Variants in WNT8A observed in about 807,000 individuals in gnomAD.
The protein encoded by WNT8A is protein Wnt-8a.
WNT8A carries 14 observed loss-of-function variants against 20.5 expected under a neutral mutation model. The observed-to-expected ratio is 0.68, with a 90% CI of 0.45 to 1.07. WNT8A has a LOEUF of 1.07. Ranked by LOEUF, WNT8A falls within the 50% of genes least tolerant of loss-of-function variation. The pLI is 0.00. For synonymous variants in WNT8A, 167 were observed against 169.2 expected (o/e 0.99, Z 0.10); for missense variants, 397 against 462.9 (o/e 0.86, Z 1.31).
downstream of WNT8A, chr5:138,092,134 T>C (rs767333076): frequency 5.9e-5 from 9 of 152,164 alleles, no homozygotes; most frequent in South Asian, 2.1e-4. Context: ...TTCTAAGATA[T>C]ATCCAGCTGG....
chr5:138,084,355 C>T (rs922254098), intron 1 of WNT8A, 72 bp downstream of exon 1: 50 of 1,579,750 alleles, frequency 3.2e-5, no homozygotes, highest in African/African-American at 3.1e-4. Context: ...AAAAGAGGGG[C>T]GGGGACAGTG....
chr5:138,091,648 A>C, downstream of WNT8A: 1 of 553,690 alleles, frequency 1.8e-6, no homozygotes, highest in South Asian at 2.0e-5. Context: ...CAACATAGAA[A>C]GACACCATCT....
Position 138,091,420 on chromosome 5 carries a change from T to A in WNT8A, c.*347T>A. The A allele has an allele frequency of 7.3e-7, 1 of 1,363,390 alleles. No homozygotes were observed. Among genetic ancestry groups the A allele is most frequent in the Middle Eastern group, 2.1e-4 (1 of 4,836 alleles). The allele number at this position is 1,363,390 out of a possible 1,614,324, so 84.5% of individuals were successfully genotyped here. On this transcript the variant is annotated 3_prime_UTR_variant, in exon 5 of 5. Transcript: ENST00000506684. The stretch of plus-strand genomic sequence containing the variant: ...TTCAAAGTATTTGTTCCTTTAAATT[T>A]CAGACCATGTCCAACCCAGCTGTGC...
At chr5:138,089,201 C>G (rs984567622) in intron 4 of WNT8A, 132 bp downstream of exon 4, 1 of 1,341,460 alleles carries the variant, frequency 7.5e-7, no homozygotes, top group African/African-American at 1.5e-5. Flanking sequence ...CCCGCATTCT[C>G]TGGATGACAA....
chr5:138,077,544 T>C, the WNT8A span, among the ~76,000 whole-genome samples: 1 of 152,188 alleles, frequency 6.6e-6, no homozygotes, highest in Non-Finnish European at 1.5e-5. Context: ...CTCTGAAAAC[T>C]AGTAAAATCC....
Position 138,090,954 on chromosome 5 carries a change from A to G in WNT8A, c.991A>G (p.Asn331Asp). Residue 331 changes from asparagine (N) to aspartate (D), a missense_variant, in exon 5 of 5, where the codon AAC (asparagine) becomes GAC (aspartate). Asn to Asp is a conservative substitution (Grantham distance 23). Transcript: ENST00000506684. ...ERKTEVISSC[N>D]CKFQWCCTVK... ...GAAAACTGAGGTCATAAGCAGCTGTAACTGCAAATTCCAGTGGTGCTGTAC... is the reference window on the plus strand; with the variant it reads ...GAAAACTGAGGTCATAAGCAGCTGTGACTGCAAATTCCAGTGGTGCTGTAC... 1.2e-6 allele frequency: 2 copies of G among 1,614,212 alleles called. No homozygotes were observed. Among genetic ancestry groups the G allele is most frequent in the Middle Eastern group, 1.6e-4 (1 of 6,062 alleles).
chr5:138,084,706 A>T lies in WNT8A; in HGVS notation c.295+70A>T. On this transcript the variant is annotated intron_variant, in intron 2 of 4. Coordinates refer to ENST00000506684, the MANE Select transcript of WNT8A (RefSeq NM_001300939.2). ...ATGGAGTGGGGCTTGCAGTATGTGT[A>T]TATGTGTGACATGTATTGCACAGTG... is the stretch of plus-strand genomic sequence containing the variant. 3 of 1,508,724 alleles carry T rather than the reference A, an allele frequency of 2.0e-6. No individual in the cohort carries two copies. In the South Asian group the frequency reaches 4.1e-5, roughly 20 times the overall value. The allele number at this position is 1,508,724 out of a possible 1,614,324, so 93.5% of individuals were successfully genotyped here.
chr5:138,081,520 T>A (rs903891478), upstream of WNT8A, among the ~76,000 whole-genome samples: 14 of 152,024 alleles, frequency 9.2e-5, no homozygotes, highest in Non-Finnish European at 2.1e-4. Flanking sequence ...GCCATGGAAA[T>A]CAACCCTGCT....
upstream of WNT8A, among the ~76,000 whole-genome samples, chr5:138,079,162 G>A (rs988456399): frequency 1.3e-5 from 2 of 152,006 alleles, no homozygotes; most frequent in Admixed American, 6.6e-5. Context: ...CCTAGAGGGA[G>A]GACACTGGGC....
At chr5:138,078,193 G>A in the WNT8A span, among the ~76,000 whole-genome samples, 1 of 152,060 alleles carries the variant, frequency 6.6e-6, no homozygotes, top group African/African-American at 2.4e-5. Flanking sequence ...TATCCTCAGG[G>A]GGTGAGAAGC....
intron 2 of WNT8A, among the ~76,000 whole-genome samples, chr5:138,087,316 C>A (rs1482935717): frequency 2.7e-5 from 4 of 150,572 alleles, no homozygotes; most frequent in African/African-American, 9.8e-5. Flanking sequence ...CCACTGCACC[C>A]CAGCCTGGGC....
At chr5:138,086,214 C>A (rs140773847) in intron 2 of WNT8A, among the ~76,000 whole-genome samples, 30 of 152,110 alleles carry the variant, frequency 2.0e-4, no homozygotes, top group Admixed American at 7.2e-4. Context: ...TTCTTTATTT[C>A]TTTCTTTCTT....
At chr5:138,079,761 G>A, upstream of WNT8A, among the ~76,000 whole-genome samples, 1 of 152,258 alleles carries the variant, frequency 6.6e-6, no homozygotes, top group Non-Finnish European at 1.5e-5. Flanking sequence ...CCAAGAGTTG[G>A]ATCATTACTT....
intron 3 of WNT8A, among the ~76,000 whole-genome samples, chr5:138,088,599 G>C (rs183202007): frequency 6.6e-6 from 1 of 152,032 alleles, no homozygotes; most frequent in Non-Finnish European, 1.5e-5. Context: ...CTCGTGATCC[G>C]CCTGCCTTGG....
chr5:138,080,428 A>T (rs2151142154), upstream of WNT8A, among the ~76,000 whole-genome samples: 1 of 144,400 alleles, frequency 6.9e-6, no homozygotes, highest in Non-Finnish European at 1.5e-5. Flanking sequence ...TGGGATTCAT[A>T]AACTCTGTAA....
rs1176804033 is a variant in WNT8A, at chr5:138,091,084, C to T, written c.*11C>T. ...AAGGGCAGTGCCTGATAATACCCCA[C>T]ACAAGTTCACTTGATTAATTGCATC... is the stretch of plus-strand genomic sequence containing the variant. On this transcript the variant is annotated 3_prime_UTR_variant, in exon 5 of 5. Transcript: ENST00000506684. 1 of 1,601,228 alleles carries T rather than the reference C, an allele frequency of 6.2e-7. No homozygotes were observed.
intron 4 of WNT8A, among the ~76,000 whole-genome samples, chr5:138,089,903 C>T (rs1042308622): frequency 6.6e-6 from 1 of 152,164 alleles, no homozygotes; most frequent in Admixed American, 6.5e-5. Context: ...CTCAAGCGAT[C>T]CTCTTGCCTC....
chr5:138,081,552 A>G (rs1002393000), upstream of WNT8A, among the ~76,000 whole-genome samples: 2 of 152,036 alleles, frequency 1.3e-5, no homozygotes, highest in African/African-American at 4.8e-5. Context: ...TGAAAGTTAA[A>G]TTAGATTCTT....
At chr5:138,079,335 A>T (rs942137290), upstream of WNT8A, among the ~76,000 whole-genome samples, 461 of 141,376 alleles carry the variant, frequency 3.3e-3, 1 homozygote, top group Non-Finnish European at 5.5e-3. Flanking sequence ...TAATTATATA[A>T]TAATTATATA....
Sources: allele counts gnomAD v4.1 joint callset (sites outside exome capture counted in the v4.1 genomes callset), GRCh38; gene constraint gnomAD v4.1.1; transcripts MANE v1.5; gene names NCBI Gene and HGNC (gene_info 2026-07-23, HGNC 2026-07-21).